Variants in PLG observed in about 807,000 individuals in gnomAD.
PLG encodes the protein plasmin.
In PLG, 41 loss-of-function variants were observed where a neutral mutation model predicts 104.4. That is an observed-to-expected ratio of 0.39 (90% CI 0.31 to 0.51). PLG has a LOEUF of 0.51. PLG is among the 20% of genes least tolerant of loss of function. The pLI is 0.76. For missense variants in PLG, 891 were observed against 1,003.6 expected, an observed-to-expected ratio of 0.89 and a Z score of 1.52; for synonymous variants, 337 against 357.1, an observed-to-expected ratio of 0.94 and a Z score of 0.63.
At chr6:160,730,267 C>T (rs1014535832) in intron 10 of PLG, among the ~76,000 whole-genome samples, 6 of 152,312 alleles carry the variant, frequency 3.9e-5, no homozygotes, top group Non-Finnish European at 8.8e-5. Flanking sequence ...ATCTTGAGTC[C>T]CACTGTTCTT....
intron 8 of PLG, 72 bp from the exon 9 acceptor site, chr6:160,718,621 T>C: frequency 6.6e-7 from 1 of 1,514,870 alleles, no homozygotes; most frequent in Non-Finnish European, 9.2e-7. Context: ...CCCGTAACGG[T>C]TGTTCTCAAA....
intron 1 of PLG, chr6:160,705,861 C>G (rs1777511662): frequency 1.3e-5 from 2 of 155,072 alleles, no homozygotes; most frequent in Non-Finnish European, 2.9e-5. Context: ...TGACATGGCA[C>G]AATCAATAGC....
At chr6:160,706,764 C>T (rs1777536254) in intron 2 of PLG, among the ~76,000 whole-genome samples, 1 of 152,136 alleles carries the variant, frequency 6.6e-6, no homozygotes, top group Non-Finnish European at 1.5e-5. Context: ...TTTGTTTTTA[C>T]ACCGGACACA....
Position 160,731,943 on chromosome 6 carries a change from C to T in PLG, c.1587+50C>T. The T allele has an allele frequency of 1.3e-6, 2 of 1,583,250 alleles. No individual in the cohort carries two copies. Among genetic ancestry groups the T allele is most frequent in the Non-Finnish European group, 1.7e-6 (2 of 1,152,690 alleles). ...TTGGCCTTTTGCTCACCAATCTTTG[C>T]AAACAGAATTGGTTCTGTGTTACAG... On this transcript the variant is annotated intron_variant, in intron 12 of 18. Transcript: ENST00000308192. This position sits in a 1 kb window ranked among gnomAD's most constrained non-coding sequence, Gnocchi z 5.1.
Position 160,731,220 on chromosome 6 carries a change from C to T in PLG, c.1426C>T (p.Pro476Ser). The T allele has an allele frequency of 6.2e-7, 1 of 1,613,758 alleles. No individual in the cohort carries two copies. The highest frequency in any genetic ancestry group is 1.1e-5 in the South Asian group (1 of 91,070). The part of the protein sequence containing the change: ...PVVLLPDVET[P>S]SEEDCMFGNG... ...TGTCCTGCTTCCAGATGTAGAGACT[C>T]CTTCCGAAGAAGGTAAGAAATCTGT... The change falls in exon 11 of 19, where the codon CCT (proline) becomes TCT (serine). Residue 476 changes from proline to serine, a missense_variant. By Grantham distance (74) the Pro-to-Ser change is moderately conservative (BLOSUM62 -1). Transcript: ENST00000308192. The surrounding 1 kb of genome is among the most constrained non-coding windows in gnomAD (Gnocchi z 5.1).
At chr6:160,751,779 CA>C (rs1238245789) in intron 17 of PLG, among the ~76,000 whole-genome samples, 1 of 152,108 alleles carries the variant, frequency 6.6e-6, no homozygotes, top group African/African-American at 2.4e-5. Flanking sequence ...CATATTAAAA[CA>C]TCTGAAAAAA....
intron 17 of PLG, among the ~76,000 whole-genome samples, chr6:160,750,188 T>C (rs923275077): frequency 3.2e-4 from 49 of 152,340 alleles, no homozygotes; most frequent in Middle Eastern, 6.8e-3. Flanking sequence ...ACGCAGAGTT[T>C]GGAGGTGTTG....
In PLG at chr6:160,752,101, CT is replaced by C; in HGVS notation, c.2126-9del. Reference sequence around the variant, plus strand: ...TGGGTGCAGTTGCCATTTCTTTCATCTTTTTAAACACAGGTACTTTTGGAGC... The same window carrying C: ...TGGGTGCAGTTGCCATTTCTTTCATCTTTTAAACACAGGTACTTTTGGAGC... On this transcript the variant is annotated splice_polypyrimidine_tract_variant and intron_variant, in intron 17 of 18. Coordinates refer to ENST00000308192, the MANE Select transcript of PLG (RefSeq NM_000301.5). This position sits in a 1 kb window ranked among gnomAD's most constrained non-coding sequence, Gnocchi z 4.7. 6.2e-7 allele frequency: 1 copy of C among 1,612,360 alleles called. No individual in the cohort carries two copies. The highest frequency in any genetic ancestry group is 1.1e-5 in the South Asian group (1 of 90,992).
In PLG at chr6:160,736,363, A is replaced by T. The variant is rs1214985423; in HGVS notation, c.1682-524A>T. 6.6e-6 allele frequency among the ~76,000 whole-genome samples: 1 copy of T among 152,206 alleles called. No homozygotes were observed. Among genetic ancestry groups the T allele is most frequent in the Non-Finnish European group, 1.5e-5 (1 of 68,044 alleles). On this transcript the variant is annotated intron_variant, in intron 13 of 18. Coordinates refer to ENST00000308192, the MANE Select transcript of PLG (RefSeq NM_000301.5). This position sits in a 1 kb window ranked among gnomAD's most constrained non-coding sequence, Gnocchi z 5.2. ...AGGCAACATTTCAACTTAGGACAGT[A>T]ATCCTTGCTACATACAATCACATAC...
intron 5 of PLG, among the ~76,000 whole-genome samples, chr6:160,714,491 T>C (rs1373139625): frequency 1.3e-5 from 2 of 152,184 alleles, no homozygotes; most frequent in Non-Finnish European, 2.9e-5. Flanking sequence ...CACTGGCCTG[T>C]GCATCCCGGT....
intron 10 of PLG, among the ~76,000 whole-genome samples, chr6:160,730,136 G>A (rs1777976014): frequency 6.6e-6 from 1 of 152,184 alleles, no homozygotes; most frequent in Admixed American, 6.5e-5. Context: ...GGCATGAGGG[G>A]GAGCACATTC....
chr6:160,717,928 C>A (rs1777766731), intron 7 of PLG, among the ~76,000 whole-genome samples: 2 of 152,204 alleles, frequency 1.3e-5, no homozygotes, highest in Admixed American at 6.5e-5. Context: ...TCCTCCTTAA[C>A]ATCCATCTGT....
chr6:160,717,571 CTT>C (rs932915940), intron 7 of PLG, among the ~76,000 whole-genome samples: 5 of 152,078 alleles, frequency 3.3e-5, no homozygotes, highest in African/African-American at 1.2e-4. Flanking sequence ...TCCATGGACT[CTT>C]TCCCTGTTGT....
rs1777997608 is a variant in PLG, at chr6:160,731,424, G to A, written c.1438+192G>A. On this transcript the variant is annotated intron_variant, in intron 11 of 18. Transcript: ENST00000308192. The surrounding 1 kb of genome is among the most constrained non-coding windows in gnomAD (Gnocchi z 5.1). The stretch of plus-strand genomic sequence containing the variant: ...TGTGACTTTTGGCACAACGTGAGTG[G>A]GCTGTGCCTTTAGGACAGGTGCAAA... Among the ~76,000 whole-genome samples the A allele has an allele frequency of 6.6e-6, 1 of 152,118 alleles. No homozygotes were observed. Among genetic ancestry groups the A allele is most frequent in the African/African-American group, 2.4e-5 (1 of 41,412 alleles).
chr6:160,748,374 A>AAGAGAGAGAGAG (rs1331475547), intron 17 of PLG, among the ~76,000 whole-genome samples: 9,409 of 50,962 alleles, frequency 0.18, 3,162 homozygotes, highest in East Asian at 0.71. Flanking sequence ...GAAAGAAAGA[A>AAGAGAGAGAGAG]AGAAAGAAAG....
chr6:160,710,219 T>C (rs1224434043), intron 3 of PLG, among the ~76,000 whole-genome samples: 1 of 152,242 alleles, frequency 6.6e-6, no homozygotes, highest in South Asian at 2.1e-4. Flanking sequence ...TTTAAATGAT[T>C]CATGTTTCAA....
rs1325224661 is a variant in PLG at position 160,723,339 on chromosome 6, G to A, written c.1256+772G>A. Among the ~76,000 whole-genome samples the A allele has an allele frequency of 6.6e-6, 1 of 152,126 alleles. No individual in the cohort carries two copies. The highest frequency in any genetic ancestry group is 2.4e-5 in the African/African-American group (1 of 41,434). ...CAGAAAACCAGGTCTAACAAGGACA[G>A]CTTTTCTTCCATAAATGAGTACACA... On this transcript the variant is annotated intron_variant, in intron 10 of 18. Transcript: ENST00000308192. The surrounding 1 kb of genome is among the most constrained non-coding windows in gnomAD (Gnocchi z 4.7).
At chr6:160,705,019 G>A (rs764617554) in intron 1 of PLG, among the ~76,000 whole-genome samples, 8 of 152,176 alleles carry the variant, frequency 5.3e-5, no homozygotes, top group Admixed American at 5.2e-4. Context: ...AGCCAGGCTT[G>A]TCTCCTGCTG....
chr6:160,735,435 G>C lies in PLG; in HGVS notation c.1681+1347G>C, dbSNP rs7744507. ...CCTCACCCACATTGAGGATGTACAA[G>C]AATCAGGTTCTTAGAGATTGGAGAA... On this transcript the variant is annotated intron_variant, in intron 13 of 18. Coordinates refer to ENST00000308192, the MANE Select transcript of PLG (RefSeq NM_000301.5). The surrounding 1 kb of genome is among the most constrained non-coding windows in gnomAD (Gnocchi z 5.4). 9.1e-3 allele frequency among the ~76,000 whole-genome samples: 1,385 copies of C among 152,322 alleles called. 18 individuals are homozygous for C. The highest frequency in any genetic ancestry group is 0.044 in the Middle Eastern group (13 of 294).
Sources: gnomAD v4.1 joint callset for allele counts (sites outside exome capture counted in the v4.1 genomes callset) on GRCh38, gnomAD v4.1.1 for gene constraint, Gnocchi (gnomAD v3.1) non-coding constraint, MANE v1.5 for transcripts, NCBI Gene and HGNC (gene_info 2026-07-23, HGNC 2026-07-21) for gene names.